The following DENND1A variants were observed in gnomAD, a reference collection of about 807,000 sequenced individuals.
DENND1A encodes the protein DENN domain-containing protein 1A.
Under a neutral mutation model 113.7 loss-of-function variants are expected in DENND1A, and 51 were observed. The ratio of observed to expected loss-of-function variants is 0.45; its 90% CI spans 0.36 to 0.57. DENND1A has a LOEUF of 0.57. Among genes scored for constraint, DENND1A ranks in the 20% least tolerant of loss-of-function variants. The pLI is 0.00. For synonymous variants in DENND1A, 565 were observed against 570.8 expected (o/e 0.99, Z 0.14); for missense variants, 1,258 against 1,395.9 (o/e 0.90, Z 1.57).
intron 13 of DENND1A, among the ~76,000 whole-genome samples, chr9:123,498,353 A>C (rs1564603942): frequency 6.6e-6 from 1 of 152,160 alleles, no homozygotes; most frequent in Non-Finnish European, 1.5e-5. Context: ...AAAGAGCAGA[A>C]CTTGTCCAAG....
At chr9:123,428,082 T>C (rs1248455550) in intron 19 of DENND1A, among the ~76,000 whole-genome samples, 1 of 152,148 alleles carries the variant, frequency 6.6e-6, no homozygotes, top group African/African-American at 2.4e-5. Flanking sequence ...GGCAGGTAGA[T>C]CGCTTGAGCT....
chr9:123,600,939 C>T (rs1486914723), intron 11 of DENND1A, among the ~76,000 whole-genome samples: 1 of 152,162 alleles, frequency 6.6e-6, no homozygotes, highest in Non-Finnish European at 1.5e-5. Context: ...ACACAGTCCC[C>T]CTGCTCACTG....
chr9:123,731,396 A>G (rs1322573177), intron 5 of DENND1A, among the ~76,000 whole-genome samples: 1 of 152,254 alleles, frequency 6.6e-6, no homozygotes, highest in African/African-American at 2.4e-5. Context: ...CCAGAAACAG[A>G]TCCACACAAA....
At chr9:123,609,109 C>T (rs1449118107) in intron 11 of DENND1A, among the ~76,000 whole-genome samples, 2 of 152,130 alleles carry the variant, frequency 1.3e-5, no homozygotes, top group African/African-American at 4.8e-5. Flanking sequence ...TGCAATATTG[C>T]TATAGCGATT....
At chr9:123,390,935 G>A (rs779459640) in intron 21 of DENND1A, among the ~76,000 whole-genome samples, 13 of 152,252 alleles carry the variant, frequency 8.5e-5, no homozygotes, top group Non-Finnish European at 1.8e-4. Flanking sequence ...AGCTTGACAC[G>A]TTGGTGCAAC....
intron 11 of DENND1A, among the ~76,000 whole-genome samples, chr9:123,604,188 T>G (rs1287344461): frequency 1.3e-5 from 2 of 152,216 alleles, no homozygotes; most frequent in Non-Finnish European, 2.9e-5. Context: ...TCATATCTCC[T>G]GGAAAGCCCC....
At chr9:123,537,661 G>A (rs2055886912) in intron 13 of DENND1A, among the ~76,000 whole-genome samples, 1 of 150,388 alleles carries the variant, frequency 6.6e-6, no homozygotes, top group East Asian at 1.9e-4. Flanking sequence ...AAAACTCTTG[G>A]GCATGTAGTT....
At chr9:123,775,541 A>G (rs750402964) in intron 3 of DENND1A, among the ~76,000 whole-genome samples, 1 of 152,138 alleles carries the variant, frequency 6.6e-6, no homozygotes, top group Admixed American at 6.5e-5. Context: ...AAAAAAAAAG[A>G]GCACTGATAG....
Position 123,922,073 on chromosome 9 carries a change from C to G in DENND1A, c.17+7816G>C, listed in dbSNP as rs2479103. Among the ~76,000 whole-genome samples the G allele has an allele frequency of 3.7e-3, 561 of 152,218 alleles. 1 individual carries two copies. The highest frequency in any genetic ancestry group is 0.013 in the African/African-American group (528 of 41,530). ...TCAGCCTCCCAAGTAGCTGGGACCACAGATACATGCCACCACACCTGGCTA... is the reference window on the plus strand; with the variant it reads ...TCAGCCTCCCAAGTAGCTGGGACCAGAGATACATGCCACCACACCTGGCTA... On this transcript the variant is annotated intron_variant, in intron 1 of 23. Transcript: ENST00000394215.
At chr9:123,417,978 C>T (rs868550498) in intron 19 of DENND1A, among the ~76,000 whole-genome samples, 1 of 152,128 alleles carries the variant, frequency 6.6e-6, no homozygotes. Context: ...CAGGGCAGGC[C>T]AGGACCTGGG....
At chr9:123,423,829 T>C (rs1487487870) in intron 19 of DENND1A, among the ~76,000 whole-genome samples, 4 of 152,182 alleles carry the variant, frequency 2.6e-5, no homozygotes, top group Non-Finnish European at 5.9e-5. Context: ...TCTTGCAAGT[T>C]TGCAACAAAC....
chr9:123,904,121 T>A (rs1852292326), intron 1 of DENND1A, among the ~76,000 whole-genome samples: 2 of 152,040 alleles, frequency 1.3e-5, no homozygotes, highest in African/African-American at 4.8e-5. Flanking sequence ...CACTGACACC[T>A]CACACAGCAG....
chr9:123,655,247 G>A (rs1004953603), intron 8 of DENND1A, among the ~76,000 whole-genome samples: 3 of 152,106 alleles, frequency 2.0e-5, no homozygotes, highest in Admixed American at 6.5e-5. Context: ...GCCACGAGAC[G>A]GGGTCCTGTT....
At chr9:123,910,002 A>C (rs1853670654) in intron 1 of DENND1A, among the ~76,000 whole-genome samples, 1 of 152,160 alleles carries the variant, frequency 6.6e-6, no homozygotes, top group South Asian at 2.1e-4. Context: ...TGCACTAAAA[A>C]CTACAAAATG....
In DENND1A at chr9:123,381,720, T is replaced by C. The variant is rs781328108; in HGVS notation, c.2925A>G (p.Pro975=). ...TTCGGATCCTCGACGGGGCAACTGCTGGGGGACCCAGCGGCTGTAGGGGGC... is the reference window on the plus strand; with the variant it reads ...TTCGGATCCTCGACGGGGCAACTGCCGGGGGACCCAGCGGCTGTAGGGGGC... ...HTSPLQPLGP[P]AVAPSRIRTL... The change falls in exon 24 of 24, where the codon CCA becomes CCG. Residue 975 remains proline (P), a synonymous_variant. Coordinates refer to ENST00000394215, the MANE Select transcript of DENND1A (RefSeq NM_001352964.2). The surrounding 1 kb of genome is among the most constrained non-coding windows in gnomAD (Gnocchi z 4.7). 2.0e-6 allele frequency: 3 copies of C among 1,536,004 alleles called. No individual in the cohort carries two copies. In the African/African-American group the frequency reaches 4.1e-5, roughly 21 times the overall value.
At chr9:123,458,725 GCCAAGGCAGGTGGATCAC>G (rs2048323746) in intron 13 of DENND1A, among the ~76,000 whole-genome samples, 1 of 152,186 alleles carries the variant, frequency 6.6e-6, no homozygotes, top group Non-Finnish European at 1.5e-5. Context: ...ATTTTGGGAG[GCCAAGGCAGGTGGATCAC>G]CTGAGGTTGG....
intron 2 of DENND1A, among the ~76,000 whole-genome samples, chr9:123,809,727 G>C (rs976926690): frequency 3.3e-5 from 5 of 152,310 alleles, no homozygotes; most frequent in Middle Eastern, 3.4e-3. Context: ...CTGTAGTGCA[G>C]TGGCATGATC....
chr9:123,486,925 C>A (rs1265791825), intron 13 of DENND1A, among the ~76,000 whole-genome samples: 1 of 152,208 alleles, frequency 6.6e-6, no homozygotes, highest in African/African-American at 2.4e-5. Context: ...TGGGAGCCGA[C>A]TGGAGGACTC....
At chr9:123,853,401 C>T (rs1843671996) in intron 2 of DENND1A, among the ~76,000 whole-genome samples, 1 of 151,692 alleles carries the variant, frequency 6.6e-6, no homozygotes, top group Non-Finnish European at 1.5e-5. Context: ...TGGTGGCTCA[C>T]ACCTGTAATC....
Sources: gnomAD v4.1 joint callset for allele counts (sites outside exome capture counted in the v4.1 genomes callset) on GRCh38, gnomAD v4.1.1 for gene constraint, Gnocchi (gnomAD v3.1) non-coding constraint, MANE v1.5 for transcripts, NCBI Gene and HGNC (gene_info 2026-07-23, HGNC 2026-07-21) for gene names.